Variants in SCAP observed in about 807,000 individuals in gnomAD.
SCAP encodes the protein SREBF chaperone.
In SCAP, 65 loss-of-function variants were observed where a neutral mutation model predicts 123.6. The observed-to-expected ratio is 0.53, with a 90% CI of 0.43 to 0.65. The LOEUF (loss-of-function observed/expected upper bound fraction) is 0.65. Ranked by LOEUF, SCAP falls within the 30% of genes least tolerant of loss-of-function variation. The pLI, the probability that SCAP is intolerant of heterozygous loss-of-function variation, is 0.00. For synonymous variants in SCAP, 740 were observed against 726.3 expected (o/e 1.02, Z -0.30); for missense variants, 1,398 against 1,712.5 (o/e 0.82, Z 3.24).
At chr3:47,414,484 CT>C in intron 21 of SCAP, 87 bp downstream of exon 21, 1 of 1,599,648 alleles carries the variant, frequency 6.3e-7, no homozygotes, top group Non-Finnish European at 8.6e-7. Flanking sequence ...TGACTGCTTC[CT>C]GGAAGGCCCC....
intron 2 of SCAP, among the ~76,000 whole-genome samples, chr3:47,441,227 G>A (rs1706793628): frequency 6.6e-6 from 1 of 152,130 alleles, no homozygotes; most frequent in South Asian, 2.1e-4. Flanking sequence ...AGAAAAACAG[G>A]GTGACTACAA....
chr3:47,467,927 T>C (rs1707891707), intron 1 of SCAP, among the ~76,000 whole-genome samples: 1 of 142,014 alleles, frequency 7.0e-6, no homozygotes, highest in South Asian at 2.6e-4. Flanking sequence ...TGTCCAGGTG[T>C]TCTCATTGTT....
intron 1 of SCAP, among the ~76,000 whole-genome samples, chr3:47,474,004 G>T (rs1230861702): frequency 6.6e-6 from 1 of 152,006 alleles, no homozygotes; most frequent in Non-Finnish European, 1.5e-5. Flanking sequence ...GGTGGCTCAC[G>T]CCTGTAATCC....
chr3:47,466,160 A>C (rs1482782298), intron 1 of SCAP, among the ~76,000 whole-genome samples: 2 of 151,724 alleles, frequency 1.3e-5, no homozygotes, highest in Non-Finnish European at 2.9e-5. Context: ...AAAAAAAAGA[A>C]AGAAATTCTC....
intron 1 of SCAP, among the ~76,000 whole-genome samples, chr3:47,472,742 C>A (rs1421907342): frequency 1.3e-5 from 2 of 152,080 alleles, no homozygotes; most frequent in Non-Finnish European, 2.9e-5. Flanking sequence ...CCTCCCACCA[C>A]CCCTACCACC....
rs188494560 is a variant in SCAP, at chr3:47,421,084, C to T, written c.1246-55G>A. The stretch of plus-strand genomic sequence containing the variant: ...GTGCCGTGACCTCACTGTCCCAGCC[C>T]AAGAGGAGCAGTACCCGGACTGCAG... On this transcript the variant is annotated intron_variant, in intron 10 of 22. Coordinates refer to ENST00000265565, the MANE Select transcript of SCAP (RefSeq NM_012235.4). The T allele has an allele frequency of 1.1e-4, 157 of 1,435,562 alleles. No homozygotes were observed. The East Asian group carries it at 3.5e-3, about 32-fold the overall frequency. 88.9% of individuals were successfully genotyped at this position (1,435,562 alleles called of 1,614,324 possible).
At chr3:47,449,909 T>C (rs1166193426) in intron 1 of SCAP, among the ~76,000 whole-genome samples, 2 of 125,576 alleles carry the variant, frequency 1.6e-5, no homozygotes, top group Non-Finnish European at 3.5e-5. Context: ...GGGTGGAGTA[T>C]GTTTACTCCA....
In SCAP at chr3:47,417,326, CCCA is replaced by C. The variant is rs1559537542; in HGVS notation, c.2945_2947del (p.Val982del). 1 of 1,612,198 alleles carries C rather than the reference CCCA, an allele frequency of 6.2e-7. No individual in the cohort carries two copies. The highest frequency in any genetic ancestry group is 8.5e-7 in the Non-Finnish European group (1 of 1,179,734). ...CACCTCCAGCCGGCCGCTGCTCCGC[CCCA>C]CCACGATGAGGTTGCCCTGCAGCTC... On this transcript the variant is annotated inframe_deletion, in exon 17 of 23. Coordinates refer to ENST00000265565, the MANE Select transcript of SCAP (RefSeq NM_012235.4).
intron 3 of SCAP, among the ~76,000 whole-genome samples, chr3:47,430,618 C>T (rs1442203927): frequency 6.6e-6 from 1 of 152,208 alleles, no homozygotes; most frequent in East Asian, 1.9e-4. Flanking sequence ...CCTGACTGAG[C>T]TGTCAGGATT....
At chr3:47,414,440 CAGT>C in intron 21 of SCAP, 54 bp from the exon 22 acceptor site, 1 of 1,605,678 alleles carries the variant, frequency 6.2e-7, no homozygotes, top group Non-Finnish European at 8.5e-7. Flanking sequence ...CCTCTGTCAA[CAGT>C]GGTGTCCCTG....
intron 1 of SCAP, among the ~76,000 whole-genome samples, chr3:47,448,066 C>T (rs1559559907): frequency 7.1e-6 from 1 of 140,526 alleles, no homozygotes; most frequent in Non-Finnish European, 1.5e-5. Context: ...CTGCATTAAA[C>T]CTGTTTATCA....
chr3:47,421,805 T>C (rs1429701631), intron 10 of SCAP, among the ~76,000 whole-genome samples: 2 of 152,268 alleles, frequency 1.3e-5, no homozygotes, highest in African/African-American at 4.8e-5. Flanking sequence ...CGAGAAAAGA[T>C]GGCATCCTCC....
Position 47,414,982 on chromosome 3 carries a change from G to A in SCAP, c.3151C>T (p.Arg1051Trp), listed in dbSNP as rs761995577. ...SPLQFRGTPG[R>W]GSSPASPVYS... The stretch of plus-strand genomic sequence containing the variant: ...ACTGGAGAGGCAGGGGAACTGCCCC[G>A]CCCTGGGGTCCCTGAGGACAAAAGG... Residue 1051 changes from arginine (R) to tryptophan (W), a missense_variant, in exon 20 of 23, where the codon CGG (arginine) becomes TGG (tryptophan). Physicochemically the swap from Arg to Trp is moderately radical, Grantham distance 101. This residue lies in a region of SCAP where 828 missense variants were observed against 882.5 expected (regional missense o/e 0.94). Transcript: ENST00000265565. 6.9e-6 allele frequency: 11 copies of A among 1,592,240 alleles called. No individual in the cohort carries two copies. The highest frequency in any genetic ancestry group is 4.5e-5 in the South Asian group (4 of 88,196).
chr3:47,432,540 C>T (rs925787740), intron 3 of SCAP, among the ~76,000 whole-genome samples: 4 of 152,166 alleles, frequency 2.6e-5, no homozygotes, highest in African/African-American at 4.8e-5. Flanking sequence ...CCACACCACG[C>T]GTATGCAATA....
Position 47,414,172 on chromosome 3 carries a change from C to G in SCAP, c.3594+8G>C, listed in dbSNP as rs1705451878. The G allele has an allele frequency of 1.2e-6, 2 of 1,613,720 alleles. No homozygotes were observed. Among genetic ancestry groups the G allele is most frequent in the Non-Finnish European group, 1.7e-6 (2 of 1,180,040 alleles). Reference sequence around the variant, plus strand: ...TCCCAAGAATCCTATGATCCCCATCCCCTCTACCTGCTGAATGGAGTAGAA... The same window carrying G: ...TCCCAAGAATCCTATGATCCCCATCGCCTCTACCTGCTGAATGGAGTAGAA... On this transcript the variant is annotated splice_region_variant and intron_variant, in intron 22 of 22. Transcript: ENST00000265565.
intron 1 of SCAP, among the ~76,000 whole-genome samples, chr3:47,459,530 C>G (rs1012004621): frequency 7.9e-5 from 12 of 152,108 alleles, no homozygotes; most frequent in Middle Eastern, 3.2e-3. Flanking sequence ...TACAGCTGGG[C>G]CTCCAGGGGT....
chr3:47,455,215 T>C (rs1047490312), intron 1 of SCAP, among the ~76,000 whole-genome samples: 3 of 151,136 alleles, frequency 2.0e-5, no homozygotes, highest in African/African-American at 7.3e-5. Flanking sequence ...AATGATAATA[T>C]TGATTATAAT....
chr3:47,421,009 G>C lies in SCAP; in HGVS notation c.1266C>G (p.Val422=). 2 of 1,613,866 alleles carry C rather than the reference G, an allele frequency of 1.2e-6. No homozygotes were observed. Among genetic ancestry groups the C allele is most frequent in the Admixed American group, 1.7e-5 (1 of 60,028 alleles). ...GGAAGAAGTCAGACACCAGCCCCAC[G>C]ACAGCAAAGAGACAGAACTCCTGGA... ...PAIQEFCLFA[V]VGLVSDFFLQ... is the part of the protein sequence containing the mutation. The change falls in exon 11 of 23, where the codon GTC becomes GTG. Residue 422 remains valine, a synonymous_variant. Transcript: ENST00000265565.
intron 1 of SCAP, among the ~76,000 whole-genome samples, chr3:47,459,380 G>T (rs761817049): frequency 1.3e-5 from 2 of 152,192 alleles, no homozygotes; most frequent in Non-Finnish European, 2.9e-5. Flanking sequence ...TCCCAAAATG[G>T]GAGATGTGAC....
Sources: gnomAD v4.1 joint callset for allele counts (sites outside exome capture counted in the v4.1 genomes callset) on GRCh38, gnomAD v4.1.1 for gene constraint, gnomAD v4.1.1 regional missense constraint, MANE v1.5 for transcripts, NCBI Gene and HGNC (gene_info 2026-07-23, HGNC 2026-07-21) for gene names.